Variants in FRMD4A observed in about 807,000 individuals in gnomAD.
The protein encoded by FRMD4A is FERM domain containing 4A, also known as FERM domain-containing protein 4A.
In FRMD4A, 29 loss-of-function variants were observed where a neutral mutation model predicts 129.1. That is an observed-to-expected ratio of 0.22 (90% confidence interval 0.17 to 0.31). The LOEUF is 0.31. FRMD4A is among the 10% of genes least tolerant of loss of function. The pLI is 1.00. For synonymous variants in FRMD4A, 634 were observed against 571.6 expected, an observed-to-expected ratio of 1.11 and a Z score of -1.56; for missense variants, 1,272 against 1,375.8, an observed-to-expected ratio of 0.92 and a Z score of 1.19.
chr10:14,226,742 C>A (rs544179709), intron 2 of FRMD4A, among the ~76,000 whole-genome samples: 2 of 152,162 alleles, frequency 1.3e-5, no homozygotes, highest in African/African-American at 4.8e-5. Flanking sequence ...CTCATCAAAT[C>A]CATGGAACTG....
chr10:14,051,584 G>A (rs1048136659), intron 2 of FRMD4A, among the ~76,000 whole-genome samples: 3 of 152,236 alleles, frequency 2.0e-5, no homozygotes, highest in Non-Finnish European at 2.9e-5. Flanking sequence ...GAGAAGAGCT[G>A]CTTCCCTGAA....
At chr10:14,223,986 A>T (rs1843351977) in intron 2 of FRMD4A, among the ~76,000 whole-genome samples, 1 of 152,150 alleles carries the variant, frequency 6.6e-6, no homozygotes, top group Non-Finnish European at 1.5e-5. Flanking sequence ...GATCATCTGC[A>T]TCGGGAGTTT....
At chr10:13,953,629 A>C (rs2131340598) in intron 2 of FRMD4A, among the ~76,000 whole-genome samples, 1 of 152,288 alleles carries the variant, frequency 6.6e-6, no homozygotes, top group East Asian at 1.9e-4. Flanking sequence ...TCTTGAGGTC[A>C]TAGTACTTAT....
At chr10:14,301,518 G>A (rs777132111) in intron 2 of FRMD4A, among the ~76,000 whole-genome samples, 47 of 152,072 alleles carry the variant, frequency 3.1e-4, no homozygotes, top group Non-Finnish European at 6.0e-4. Context: ...TCTCTTAATA[G>A]CAATAATTGT....
At chr10:14,001,640 G>A (rs1255996673) in intron 2 of FRMD4A, among the ~76,000 whole-genome samples, 1 of 152,156 alleles carries the variant, frequency 6.6e-6, no homozygotes, top group East Asian at 1.9e-4. Context: ...ACCAAGTTTG[G>A]GTCACTTAAA....
chr10:13,829,176 T>C lies in FRMD4A; in HGVS notation c.112-18268A>G, dbSNP rs539475009. 4.6e-5 allele frequency among the ~76,000 whole-genome samples: 7 copies of C among 152,166 alleles called. No individual in the cohort carries two copies. The South Asian group carries it at 1.5e-3, about 32-fold the overall frequency. The stretch of plus-strand genomic sequence containing the variant: ...GATCAATGAATGAAGGAGTGAATGG[T>C]GAGGTGGAATAGGATTTTAGCAGGA... On this transcript the variant is annotated intron_variant, in intron 3 of 24. Transcript: ENST00000357447.
At chr10:13,842,244 T>G (rs2093978579) in intron 3 of FRMD4A, among the ~76,000 whole-genome samples, 1 of 152,234 alleles carries the variant, frequency 6.6e-6, no homozygotes, top group Non-Finnish European at 1.5e-5. Flanking sequence ...CTCTCCTTCC[T>G]GTCTTCTGAG....
intron 2 of FRMD4A, among the ~76,000 whole-genome samples, chr10:13,887,402 C>CG (rs1467900296): frequency 6.6e-6 from 1 of 152,114 alleles, no homozygotes; most frequent in African/African-American, 2.4e-5. Flanking sequence ...GAACTGAGGC[C>CG]GGGGGCGGTG....
intron 2 of FRMD4A, among the ~76,000 whole-genome samples, chr10:13,893,580 T>A (rs2094724989): frequency 6.6e-6 from 1 of 152,186 alleles, no homozygotes; most frequent in South Asian, 2.1e-4. Flanking sequence ...TATAGTGCAG[T>A]GGCACAATCT....
At chr10:13,674,073 A>C (rs76184649) in intron 16 of FRMD4A, among the ~76,000 whole-genome samples, 8,708 of 152,236 alleles carry the variant, frequency 0.057, 252 homozygotes, top group African/African-American at 0.07. Context: ...CAGCCTGCAT[A>C]AAATTTAAAA....
chr10:14,291,077 G>A (rs1564444312), intron 2 of FRMD4A, among the ~76,000 whole-genome samples: 1 of 152,084 alleles, frequency 6.6e-6, no homozygotes, highest in Non-Finnish European at 1.5e-5. Context: ...GTGATACTAT[G>A]AAGAAAGGGA....
At chr10:13,774,510 T>C (rs558327637) in intron 6 of FRMD4A, among the ~76,000 whole-genome samples, 2 of 152,222 alleles carry the variant, frequency 1.3e-5, no homozygotes, top group Admixed American at 1.3e-4. Context: ...TGGAGACTGT[T>C]CCCTCCCGAT....
intron 2 of FRMD4A, among the ~76,000 whole-genome samples, chr10:13,882,510 C>A (rs2094558811): frequency 6.6e-6 from 1 of 152,208 alleles, no homozygotes; most frequent in Non-Finnish European, 1.5e-5. Context: ...TTTGTAAGCT[C>A]TGGAATCCTA....
At chr10:13,698,303 A>C (rs939866544) in intron 14 of FRMD4A, among the ~76,000 whole-genome samples, 1 of 152,146 alleles carries the variant, frequency 6.6e-6, no homozygotes, top group African/African-American at 2.4e-5. Context: ...GAAGCTCTTC[A>C]GAGAAAGGAA....
intron 2 of FRMD4A, among the ~76,000 whole-genome samples, chr10:14,221,725 A>AC (rs954689301): frequency 4.0e-5 from 6 of 149,224 alleles, no homozygotes; most frequent in African/African-American, 1.2e-4. Context: ...ACGCCGGGTA[A>AC]TTTTTTTTTT....
chr10:13,997,623 TC>T lies in FRMD4A; in HGVS notation c.46-138712del, dbSNP rs869197674. On this transcript the variant is annotated intron_variant, in intron 2 of 24. Coordinates refer to ENST00000357447, the MANE Select transcript of FRMD4A (RefSeq NM_018027.5). ...ACATGGCAATTCTTTTCTTTTCTTT[TC>T]TTTTTTTTTTTTTTTTGAGATAATA... Among the ~76,000 whole-genome samples the T allele has an allele frequency of 7.3e-3, 681 of 92,876 alleles. 5 individuals carry two copies. Among genetic ancestry groups the T allele is most frequent in the African/African-American group, 0.018 (585 of 32,452 alleles). 60.9% of individuals were successfully genotyped at this position (92,876 alleles called of 152,430 possible).
chr10:13,705,946 C>T (rs370590769), intron 13 of FRMD4A, among the ~76,000 whole-genome samples: 1 of 152,174 alleles, frequency 6.6e-6, no homozygotes, highest in African/African-American at 2.4e-5. Flanking sequence ...TCATTCCTAC[C>T]GGGTTATCAT....
intron 3 of FRMD4A, among the ~76,000 whole-genome samples, chr10:13,831,724 A>G (rs973956223): frequency 1.3e-5 from 2 of 152,178 alleles, no homozygotes; most frequent in Non-Finnish European, 2.9e-5. Flanking sequence ...CCACACGTCC[A>G]CTGTGCATTT....
chr10:13,660,750 C>A (rs1426152208), intron 19 of FRMD4A, among the ~76,000 whole-genome samples, 197 bp from the exon 20 acceptor site: 2 of 152,214 alleles, frequency 1.3e-5, no homozygotes, highest in Non-Finnish European at 2.9e-5. Flanking sequence ...CCAGGGCAAG[C>A]CAAACCTCCA....
Sources: allele counts gnomAD v4.1 joint callset (sites outside exome capture counted in the v4.1 genomes callset), GRCh38; gene constraint gnomAD v4.1.1; transcripts MANE v1.5; gene names NCBI Gene and HGNC (gene_info 2026-07-23, HGNC 2026-07-21).